The following THSD7B variants were observed in gnomAD, a reference collection of about 807,000 sequenced individuals.
The protein encoded by THSD7B is thrombospondin type-1 domain-containing protein 7B.
Under a neutral mutation model 213.6 loss-of-function variants are expected in THSD7B, and 138 were observed. The ratio of observed to expected loss-of-function variants is 0.65; its 90% CI spans 0.56 to 0.74. The LOEUF (loss-of-function observed/expected upper bound fraction) is 0.74. Among genes scored for constraint, THSD7B ranks in the 30% least tolerant of loss-of-function variants. THSD7B has a pLI of 0.00. For missense variants in THSD7B, 1,931 were observed against 1,991.5 expected (o/e 0.97, Z 0.58); for synonymous variants, 742 against 687.0 (o/e 1.08, Z -1.25).
At chr2:137,663,330 C>A in intron 25 of THSD7B, 53 bp from the exon 26 acceptor site, 1 of 1,361,908 alleles carries the variant, frequency 7.3e-7, no homozygotes, top group Non-Finnish European at 9.7e-7. Context: ...TATTTTTATT[C>A]ATTCACCTGT....
At chr2:137,090,664 A>C (rs1665236494) in intron 3 of THSD7B, among the ~76,000 whole-genome samples, 1 of 152,298 alleles carries the variant, frequency 6.6e-6, no homozygotes, top group South Asian at 2.1e-4. Flanking sequence ...ATCTTTTCTA[A>C]AAAGGCAAAT....
At chr2:137,346,188 C>CTCTAGAACA (rs948786140) in intron 12 of THSD7B, among the ~76,000 whole-genome samples, 3 of 151,644 alleles carry the variant, frequency 2.0e-5, no homozygotes, top group African/African-American at 7.2e-5. Context: ...TGCAACAGAT[C>CTCTAGAACA]TCTAGAACAG....
chr2:137,577,903 A>G (rs1408034953), intron 17 of THSD7B, among the ~76,000 whole-genome samples: 1 of 152,206 alleles, frequency 6.6e-6, no homozygotes, highest in Non-Finnish European at 1.5e-5. Flanking sequence ...AACTAGCACG[A>G]TTGTAACGCG....
At chr2:137,518,127 G>A (rs918587805) in intron 15 of THSD7B, among the ~76,000 whole-genome samples, 2 of 152,092 alleles carry the variant, frequency 1.3e-5, no homozygotes, top group Admixed American at 1.3e-4. Context: ...GTTACATGAG[G>A]AAGTGGCTGA....
intron 5 of THSD7B, among the ~76,000 whole-genome samples, chr2:137,134,118 A>C (rs996080209): frequency 6.6e-6 from 1 of 152,190 alleles, no homozygotes; most frequent in Non-Finnish European, 1.5e-5. Flanking sequence ...CAACATCCCA[A>C]TCAAGTAAGC....
At chr2:136,875,428 TAAAG>T (rs1436814280) in intron 1 of THSD7B, among the ~76,000 whole-genome samples, 22 of 152,132 alleles carry the variant, frequency 1.4e-4, no homozygotes, top group East Asian at 9.7e-4. Context: ...AAAAAATAAA[TAAAG>T]AAAGAAAGAA....
In THSD7B at chr2:137,439,988, G is replaced by T. The variant is rs548932795; in HGVS notation, c.2960-10857G>T. Among the ~76,000 whole-genome samples the T allele has an allele frequency of 2.6e-5, 4 of 152,188 alleles. No homozygotes were observed. The East Asian group carries it at 7.7e-4, about 29-fold the overall frequency. On this transcript the variant is annotated intron_variant, in intron 14 of 27. Transcript: ENST00000409968. ...TTCTGTTCCACAGAGTTCTTTGGAG[G>T]AGCTAGGCTCTGAATGAAGAACGCT...
intron 20 of THSD7B, among the ~76,000 whole-genome samples, chr2:137,635,166 A>G (rs1682810570): frequency 6.6e-6 from 1 of 152,156 alleles, no homozygotes; most frequent in Non-Finnish European, 1.5e-5. Context: ...TCTTTTTTCC[A>G]TTGGAAACAT....
At chr2:137,301,438 A>G (rs1352194744) in intron 12 of THSD7B, among the ~76,000 whole-genome samples, 2 of 152,122 alleles carry the variant, frequency 1.3e-5, no homozygotes, top group African/African-American at 2.4e-5. Flanking sequence ...AATTTATATC[A>G]TGGTGAAAGA....
At chr2:137,014,727 TGG>T (rs1430983476) in intron 2 of THSD7B, among the ~76,000 whole-genome samples, 1 of 152,204 alleles carries the variant, frequency 6.6e-6, no homozygotes, top group African/African-American at 2.4e-5. Context: ...TCAGTTTATC[TGG>T]GTTATTCAGA....
chr2:137,441,653 T>G (rs1031288688), intron 14 of THSD7B, among the ~76,000 whole-genome samples: 1 of 152,120 alleles, frequency 6.6e-6, no homozygotes, highest in Non-Finnish European at 1.5e-5. Flanking sequence ...ATAGTTCAAG[T>G]GAGAGATATT....
At chr2:137,177,249 G>A (rs1045576860) in intron 7 of THSD7B, among the ~76,000 whole-genome samples, 5 of 152,078 alleles carry the variant, frequency 3.3e-5, no homozygotes, top group Non-Finnish European at 7.4e-5. Context: ...AGGCCATCTG[G>A]GTAACATACA....
rs577710588 is a variant in THSD7B at position 137,281,884 on chromosome 2, A to G, written c.2500+5858A>G. Among the ~76,000 whole-genome samples, 558 of 152,310 alleles carry G rather than the reference A, an allele frequency of 3.7e-3. 6 individuals are homozygous for G. Among genetic ancestry groups the G allele is most frequent in the Admixed American group, 7.3e-3 (112 of 15,298 alleles). ...AACACACGTGTGCATGTGTCTTTATAGCAGCATGATTTATAGTCCTTTGGG... is the reference window on the plus strand; with the variant it reads ...AACACACGTGTGCATGTGTCTTTATGGCAGCATGATTTATAGTCCTTTGGG... On this transcript the variant is annotated intron_variant, in intron 12 of 27. Transcript: ENST00000409968.
intron 12 of THSD7B, among the ~76,000 whole-genome samples, chr2:137,395,772 A>G (rs1484539490): frequency 1.4e-4 from 22 of 151,900 alleles, no homozygotes; most frequent in East Asian, 3.9e-4. Flanking sequence ...GATAGAATTC[A>G]GCTGTGAATC....
At chr2:136,863,692 GA>G (rs1413410754) in intron 1 of THSD7B, among the ~76,000 whole-genome samples, 1 of 152,154 alleles carries the variant, frequency 6.6e-6, no homozygotes, top group Non-Finnish European at 1.5e-5. Context: ...AGGGTCTTAG[GA>G]AGAGGGTTCC....
At chr2:137,590,910 A>T (rs1001988389) in intron 17 of THSD7B, among the ~76,000 whole-genome samples, 1 of 148,262 alleles carries the variant, frequency 6.7e-6, no homozygotes, top group South Asian at 2.1e-4. Context: ...TGATCAAACT[A>T]TTCCTTAGTT....
At chr2:137,493,506 G>A (rs955875926) in intron 15 of THSD7B, among the ~76,000 whole-genome samples, 10 of 152,234 alleles carry the variant, frequency 6.6e-5, no homozygotes, top group Non-Finnish European at 1.2e-4. Flanking sequence ...TTACACACTC[G>A]TACGGTGACA....
intron 1 of THSD7B, among the ~76,000 whole-genome samples, chr2:136,811,604 A>G (rs138883701): frequency 1.3e-5 from 2 of 152,312 alleles, no homozygotes; most frequent in African/African-American, 2.4e-5. Context: ...TTATTTTGGA[A>G]AAAGCATGAT....
chr2:137,587,813 T>C (rs928033900), intron 17 of THSD7B, among the ~76,000 whole-genome samples: 1 of 152,210 alleles, frequency 6.6e-6, no homozygotes, highest in African/African-American at 2.4e-5. Context: ...AGTCTGTCCA[T>C]TCTCCGATCT....
Sources: gnomAD v4.1 joint callset for allele counts (sites outside exome capture counted in the v4.1 genomes callset) on GRCh38, gnomAD v4.1.1 for gene constraint, MANE v1.5 for transcripts, NCBI Gene and HGNC (gene_info 2026-07-23, HGNC 2026-07-21) for gene names.